CCDC78: variants seen among roughly 807,000 people sequenced by gnomAD.
CCDC78 encodes the protein coiled-coil domain-containing protein 78.
In CCDC78, 78 loss-of-function variants were observed where a neutral mutation model predicts 61.9. The observed-to-expected ratio is 1.26, with a 90% CI of 1.05 to 1.52. The LOEUF is 1.52. Among genes scored for constraint, CCDC78 ranks in the 40% most tolerant of loss-of-function variants. The pLI is 0.00. For missense variants in CCDC78, 737 were observed against 615.5 expected (o/e 1.20, Z -2.09); for synonymous variants, 287 against 251.9 (o/e 1.14, Z -1.32).
chr16:725,948 C>T lies in CCDC78; in HGVS notation c.180+18G>A. The T allele has an allele frequency of 6.4e-7, 1 of 1,564,108 alleles. No individual in the cohort carries two copies. On this transcript the variant is annotated intron_variant, in intron 2 of 13. Transcript: ENST00000345165. ...GGCACCCTCCCTCCTCACGAGCACG[C>T]TGGGGCCCCACACCCACCTGCAGCT...
chr16:722,993 C>T lies in CCDC78; in HGVS notation c.1230G>A (p.Leu410=), dbSNP rs768794447. 7 of 1,612,500 alleles carry T rather than the reference C, an allele frequency of 4.3e-6. No homozygotes were observed. In the Admixed American group the frequency reaches 1.0e-4, roughly 23 times the overall value. The change falls in exon 13 of 14, where the codon CTG becomes CTA. Residue 410 remains leucine (L), a synonymous_variant. Transcript: ENST00000345165. Reference sequence around the variant, plus strand: ...CTTCAGCCATCGTGGCCCGGACCAGCAGCTGTGCCCGCTCCCGTTCCAGCT... The same window carrying T: ...CTTCAGCCATCGTGGCCCGGACCAGTAGCTGTGCCCGCTCCCGTTCCAGCT... ...QAELERERAQ[L]LVRATMAEEQ... is the part of the protein sequence containing the mutation.
chr16:724,518 G>A lies in CCDC78; in HGVS notation c.766-9C>T, dbSNP rs199893871. ...GCACCATCTGCGTGCTCCTGGAGGC[G>A]GCGGGCTGGGTCCGCATGGGGCCCA... On this transcript the variant is annotated splice_polypyrimidine_tract_variant and intron_variant, in intron 8 of 13. Transcript: ENST00000345165. The A allele has an allele frequency of 7.9e-4, 1,255 of 1,592,628 alleles. 25 individuals carry two copies. In the East Asian group the frequency reaches 0.028, roughly 35 times the overall value.
chr16:724,875 C>T (rs756231142), intron 7 of CCDC78, 36 bp downstream of exon 7: 7 of 1,599,402 alleles, frequency 4.4e-6, no homozygotes, highest in Non-Finnish European at 6.0e-6. Context: ...GGGCCCCCAC[C>T]CTCCAGGTCT....
In CCDC78 at chr16:723,998, C is replaced by T. The variant is rs73489336; in HGVS notation, c.1054-62G>A. On this transcript the variant is annotated intron_variant, in intron 10 of 13. Coordinates refer to ENST00000345165, the MANE Select transcript of CCDC78 (RefSeq NM_001378030.1). ...GAACAAGGCAAGCCCCTCAGAGGCC[C>T]GGGGCTGAGGTCTCTGTTGAGCCCA... is the stretch of plus-strand genomic sequence containing the variant. 5.3e-3 allele frequency: 7,407 copies of T among 1,408,900 alleles called. 305 individuals carry two copies. The African/African-American group carries it at 0.094, about 18-fold the overall frequency. The allele number at this position is 1,408,900 out of a possible 1,614,324, so 87.3% of individuals were successfully genotyped here.
intron 11 of CCDC78, 46 bp from the exon 12 acceptor site, chr16:723,207 G>C: frequency 6.3e-7 from 1 of 1,591,940 alleles, no homozygotes; most frequent in Non-Finnish European, 8.6e-7. Flanking sequence ...AGCTGGCATG[G>C]TGACACAGGG....
In CCDC78 at chr16:725,394, T is replaced by G. The variant is rs199988256; in HGVS notation, c.435+19A>C. On this transcript the variant is annotated intron_variant, in intron 4 of 13. Coordinates refer to ENST00000345165, the MANE Select transcript of CCDC78 (RefSeq NM_001378030.1). ...CCTCTGGCCTTTCCCAGCCAGGCTCTCCATATGCTCATGGTAACCTGGAAT... is the reference window on the plus strand; with the variant it reads ...CCTCTGGCCTTTCCCAGCCAGGCTCGCCATATGCTCATGGTAACCTGGAAT... 5 of 1,612,266 alleles carry G rather than the reference T, an allele frequency of 3.1e-6. No individual in the cohort carries two copies. The Admixed American group carries it at 8.3e-5, about 27-fold the overall frequency.
chr16:725,291 C>T lies in CCDC78; in HGVS notation c.438G>A (p.Val146=), dbSNP rs372671943. The T allele has an allele frequency of 6.2e-7, 1 of 1,607,916 alleles. No individual in the cohort carries two copies. The highest frequency in any genetic ancestry group is 1.3e-5 in the African/African-American group (1 of 75,056). Residue 146 remains valine, a splice_region_variant and synonymous_variant, in exon 5 of 14, where the codon GTG becomes GTA. Coordinates refer to ENST00000345165, the MANE Select transcript of CCDC78 (RefSeq NM_001378030.1). The part of the protein sequence containing the change: ...PGHSDDHRFQ[V]QPKNTMNPEN... ...CGGGGTTCATGGTGTTCTTGGGCTG[C>T]ACCTGAATGGAAGGGAGGGCAGGGA...
intron 7 of CCDC78, 35 bp downstream of exon 7, chr16:724,876 C>A: frequency 1.3e-6 from 2 of 1,598,008 alleles, no homozygotes; most frequent in East Asian, 2.3e-5. Flanking sequence ...GGCCCCCACC[C>A]TCCAGGTCTC....
At position 725,477 on chromosome 16, in the gene CCDC78, G is replaced by A. The variant is rs775953299; in HGVS notation, c.371C>T (p.Ala124Val). ...PVESDPRHPR[A>V]AAQELRHKAQ... ...TTTGTGTCTGAGCTCTTGGGCTGCT[G>A]CCCGGGGATGCCTGGGGTCAGACTC... is the stretch of plus-strand genomic sequence containing the variant. The change falls in exon 4 of 14, where the codon GCA becomes GTA. Residue 124 changes from alanine to valine, a missense_variant. By Grantham distance (64) the Ala-to-Val change is moderately conservative (BLOSUM62 0). Transcript: ENST00000345165. The A allele has an allele frequency of 6.2e-7, 1 of 1,612,734 alleles. No homozygotes were observed. The highest frequency in any genetic ancestry group is 1.7e-5 in the Admixed American group (1 of 60,024).
In CCDC78 at chr16:725,554, C is replaced by T. The variant is rs140303460; in HGVS notation, c.294G>A (p.Leu98=). The T allele has an allele frequency of 1.2e-5, 19 of 1,610,076 alleles. 1 individual carries two copies. Among genetic ancestry groups the T allele is most frequent in the Non-Finnish European group, 1.7e-6 (2 of 1,178,898 alleles). Residue 98 remains leucine (L), a synonymous_variant, in exon 4 of 14, where the codon CTG becomes CTA. Coordinates refer to ENST00000345165, the MANE Select transcript of CCDC78 (RefSeq NM_001378030.1). ...TGCCATCTCCTCGCAGCTCCAGCTC[C>T]AGTACCCGGCTCTCCAGCCGAAGGA... ...SEILRLESRV[L]ELELRGDGTS...
chr16:726,629 AC>A, upstream of CCDC78: 1 of 534,688 alleles, frequency 1.9e-6, no homozygotes, highest in Non-Finnish European at 3.3e-6. Flanking sequence ...TGCAGATGGA[AC>A]CAGGTGCGTG....
intron 2 of CCDC78, 36 bp from the exon 3 acceptor site, chr16:725,916 C>T (rs1181280667): frequency 6.3e-7 from 1 of 1,590,344 alleles, no homozygotes; most frequent in Non-Finnish European, 8.6e-7. Context: ...CGTCTGTGGG[C>T]CCTGCTGGCA....
At chr16:726,804 A>AG (rs2151581575), upstream of CCDC78, 1 of 187,464 alleles carries the variant, frequency 5.3e-6, no homozygotes, top group East Asian at 1.7e-4. Context: ...GCCTGAGAAG[A>AG]GGGGCGCAGA....
chr16:726,719 TCGCTGG>T, upstream of CCDC78: 1 of 427,660 alleles, frequency 2.3e-6, no homozygotes. Flanking sequence ...TGAGCTACAC[TCGCTGG>T]ACACCTTCTG....
intron 11 of CCDC78, 182 bp from the exon 12 acceptor site, chr16:723,343 A>G (rs1411434175): frequency 4.0e-6 from 3 of 741,388 alleles, no homozygotes; most frequent in Non-Finnish European, 4.7e-6. Flanking sequence ...CCATCCGTGT[A>G]TAGGGACAGC....
At position 724,603 on chromosome 16, in the gene CCDC78, G is replaced by A. The variant is rs573005461; in HGVS notation, c.765+78C>T. ...CAGGCTGAGCAGTGCCGGGGCCCTG[G>A]GGTCTCCCTGAAGCTATCCAGCACA... On this transcript the variant is annotated intron_variant, in intron 8 of 13. Coordinates refer to ENST00000345165, the MANE Select transcript of CCDC78 (RefSeq NM_001378030.1). The A allele has an allele frequency of 4.1e-4, 649 of 1,568,004 alleles. 2 individuals are homozygous for A. Among genetic ancestry groups the A allele is most frequent in the Admixed American group, 1.1e-3 (58 of 55,002 alleles).
In CCDC78 at chr16:724,938, G is replaced by C. The variant is rs765213341; in HGVS notation, c.612C>G (p.Ala204=). ...LQGAREEARA[A]GQRLATQAVV... Reference sequence around the variant, plus strand: ...CAGCCTGTGTGGCCAGTCGCTGCCCGGCTGCCCTGGCCTCCTCTCGGGCTC... The same window carrying C: ...CAGCCTGTGTGGCCAGTCGCTGCCCCGCTGCCCTGGCCTCCTCTCGGGCTC... Residue 204 remains alanine, a synonymous_variant, in exon 7 of 14, where the codon GCC becomes GCG. Coordinates refer to ENST00000345165, the MANE Select transcript of CCDC78 (RefSeq NM_001378030.1). The C allele has an allele frequency of 4.4e-6, 7 of 1,608,932 alleles. No homozygotes were observed. In the South Asian group the frequency reaches 5.5e-5, roughly 13 times the overall value.
At chr16:724,229 T>C (rs762418252) in intron 9 of CCDC78, 24 bp from the exon 10 acceptor site, 1 of 1,585,940 alleles carries the variant, frequency 6.3e-7, no homozygotes, top group Non-Finnish European at 8.6e-7. Flanking sequence ...CTAGTGTCTG[T>C]CTGGGGCCAC....
chr16:725,032 G>T (rs755194408), intron 6 of CCDC78, 43 bp from the exon 7 acceptor site: 8 of 1,612,426 alleles, frequency 5.0e-6, no homozygotes, highest in Non-Finnish European at 6.8e-6. Context: ...ACGATCAGGG[G>T]TTCTCTCTGC....
Sources: allele counts gnomAD v4.1 joint callset, GRCh38; gene constraint gnomAD v4.1.1; transcripts MANE v1.5; gene names NCBI Gene and HGNC (gene_info 2026-07-23, HGNC 2026-07-21).